MDGA2: variants seen among roughly 807,000 people sequenced by gnomAD.
MDGA2 encodes MAM domain-containing glycosylphosphatidylinositol anchor protein 2.
Under a neutral mutation model 117.8 loss-of-function variants are expected in MDGA2, and 40 were observed. That is an observed-to-expected ratio of 0.34 (90% CI 0.26 to 0.44). The LOEUF (loss-of-function observed/expected upper bound fraction) is 0.44. Among genes scored for constraint, MDGA2 ranks in the 20% least tolerant of loss-of-function variants. MDGA2 has a pLI of 1.00. For synonymous variants in MDGA2, 452 were observed against 439.0 expected (o/e 1.03, Z -0.37); for missense variants, 1,123 against 1,250.6 (o/e 0.90, Z 1.54).
At chr14:47,442,565 A>G (rs1349836841) in intron 1 of MDGA2, among the ~76,000 whole-genome samples, 1 of 152,070 alleles carries the variant, frequency 6.6e-6, no homozygotes, top group East Asian at 1.9e-4. Context: ...CCTCACAATG[A>G]TTCTACCTTA....
chr14:47,099,918 C>T (rs980523621), intron 5 of MDGA2, among the ~76,000 whole-genome samples: 2 of 151,950 alleles, frequency 1.3e-5, no homozygotes, highest in Non-Finnish European at 2.9e-5. Flanking sequence ...ACAGCCTAGT[C>T]CAGTGCTTGG....
At chr14:47,378,481 T>C (rs1328905858) in intron 1 of MDGA2, among the ~76,000 whole-genome samples, 3 of 152,082 alleles carry the variant, frequency 2.0e-5, no homozygotes, top group Non-Finnish European at 2.9e-5. Flanking sequence ...AAAGATTAGA[T>C]GAATGGCTAA....
chr14:47,182,679 T>G (rs1251261349), intron 3 of MDGA2, among the ~76,000 whole-genome samples: 1 of 152,210 alleles, frequency 6.6e-6, no homozygotes, highest in East Asian at 1.9e-4. Context: ...TAACCAAAGA[T>G]GCATACTTTA....
intron 1 of MDGA2, among the ~76,000 whole-genome samples, chr14:47,643,420 C>G (rs531163673): frequency 4.3e-4 from 65 of 152,164 alleles, no homozygotes; most frequent in African/African-American, 1.3e-3. Context: ...GATTTCTCTA[C>G]ACCATCAGAT....
In MDGA2 at chr14:46,840,459, T is replaced by G. The variant is rs1280551369; in HGVS notation, c.*1472A>C. On this transcript the variant is annotated 3_prime_UTR_variant, in exon 17 of 17. Transcript: ENST00000399232. ...ATTTACAATGCATTGGAAAACTGGC[T>G]GGTTAAAGATATGATTTGTCGTCAG... is the stretch of plus-strand genomic sequence containing the variant. The G allele has an allele frequency of 6.6e-6, 1 of 152,556 alleles. No individual in the cohort carries two copies. Among genetic ancestry groups the G allele is most frequent in the African/African-American group, 2.4e-5 (1 of 41,440 alleles). The allele number at this position is 152,556 out of a possible 1,614,324, so 9.5% of individuals were successfully genotyped here. A position where few individuals can be genotyped will look rare whatever the true frequency, so the allele number is the denominator to read the frequency against.
chr14:47,604,986 T>C (rs922792827), intron 1 of MDGA2, among the ~76,000 whole-genome samples: 3 of 151,136 alleles, frequency 2.0e-5, no homozygotes, highest in Admixed American at 1.3e-4. Context: ...ATGGTTTTTT[T>C]TTAAACCACT....
intron 1 of MDGA2, among the ~76,000 whole-genome samples, chr14:47,655,017 A>G (rs1002339586): frequency 5.9e-5 from 9 of 152,116 alleles, no homozygotes; most frequent in African/African-American, 2.2e-4. Flanking sequence ...GGCATTCTAG[A>G]CAAAATGTAA....
intron 1 of MDGA2, among the ~76,000 whole-genome samples, chr14:47,328,491 C>A (rs926389289): frequency 6.6e-6 from 1 of 152,064 alleles, no homozygotes; most frequent in African/African-American, 2.4e-5. Flanking sequence ...GTAATACAAA[C>A]CTATTTTTAC....
intron 2 of MDGA2, among the ~76,000 whole-genome samples, chr14:47,218,672 C>T (rs1886189049): frequency 2.0e-5 from 3 of 151,800 alleles, no homozygotes; most frequent in Non-Finnish European, 2.9e-5. Context: ...GACATAATAC[C>T]ATAATGGCTT....
chr14:46,972,161 G>C (rs1351646832), intron 8 of MDGA2, among the ~76,000 whole-genome samples: 2 of 152,058 alleles, frequency 1.3e-5, no homozygotes, highest in Non-Finnish European at 2.9e-5. Context: ...GTGGGGCTGA[G>C]TCCTTTAACT....
chr14:47,673,988 G>A (rs923760037), intron 1 of MDGA2, among the ~76,000 whole-genome samples: 8 of 151,768 alleles, frequency 5.3e-5, no homozygotes, highest in Non-Finnish European at 1.0e-4. Flanking sequence ...CAGTGCTCAT[G>A]GCAACCGCTG....
rs1218579773 is a variant in MDGA2, at chr14:46,884,163, C to T, written c.2239-1942G>A. Among the ~76,000 whole-genome samples, 7 of 152,092 alleles carry T rather than the reference C, an allele frequency of 4.6e-5. No individual in the cohort carries two copies. Among genetic ancestry groups the T allele is most frequent in the Non-Finnish European group, 1.0e-4 (7 of 68,000 alleles). On this transcript the variant is annotated intron_variant, in intron 10 of 16. Transcript: ENST00000399232. The surrounding 1 kb of genome is among the most constrained non-coding windows in gnomAD (Gnocchi z 4.1). ...GCCTACTTTTACTTTGATTGTGAAACTCTTTGGTGTCACAAATTAGAGTGG... is the reference window on the plus strand; with the variant it reads ...GCCTACTTTTACTTTGATTGTGAAATTCTTTGGTGTCACAAATTAGAGTGG...
intron 1 of MDGA2, among the ~76,000 whole-genome samples, chr14:47,532,696 A>G (rs1895124697): frequency 1.3e-5 from 2 of 152,096 alleles, no homozygotes; most frequent in South Asian, 4.2e-4. Flanking sequence ...ACCACTGAAT[A>G]TTTTTTTCTT....
At chr14:47,280,029 G>A (rs1342824117) in intron 2 of MDGA2, among the ~76,000 whole-genome samples, 1 of 151,154 alleles carries the variant, frequency 6.6e-6, no homozygotes, top group African/African-American at 2.4e-5. Context: ...ATATTGTCAG[G>A]CCAGGCACAT....
At chr14:47,279,014 A>G (rs914453140) in intron 2 of MDGA2, among the ~76,000 whole-genome samples, 5 of 152,184 alleles carry the variant, frequency 3.3e-5, no homozygotes, top group African/African-American at 9.6e-5. Flanking sequence ...CTAATTCCCT[A>G]AAGTTTGACA....
intron 7 of MDGA2, among the ~76,000 whole-genome samples, chr14:47,047,055 G>A (rs1243931050): frequency 3.3e-5 from 5 of 152,046 alleles, no homozygotes; most frequent in Admixed American, 1.3e-4. Context: ...AGGACTAGGG[G>A]CAAGACTGAT....
intron 10 of MDGA2, among the ~76,000 whole-genome samples, chr14:46,915,933 C>G (rs1380686106): frequency 6.6e-6 from 1 of 152,054 alleles, no homozygotes; most frequent in East Asian, 1.9e-4. Flanking sequence ...CTCTGGGTAT[C>G]TCTGGGCATC....
At chr14:47,103,468 G>C (rs1880455536) in intron 5 of MDGA2, among the ~76,000 whole-genome samples, 1 of 152,150 alleles carries the variant, frequency 6.6e-6, no homozygotes, top group South Asian at 2.1e-4. Flanking sequence ...TTCACATATT[G>C]ATTGACTCTC....
At chr14:47,014,987 C>T (rs576217499) in intron 8 of MDGA2, among the ~76,000 whole-genome samples, 1 of 152,080 alleles carries the variant, frequency 6.6e-6, no homozygotes, top group African/African-American at 2.4e-5. Context: ...ATGTAAGACT[C>T]TTCCTTTCAC....
Sources: gnomAD v4.1 joint callset for allele counts (sites outside exome capture counted in the v4.1 genomes callset) on GRCh38, gnomAD v4.1.1 for gene constraint, Gnocchi (gnomAD v3.1) non-coding constraint, MANE v1.5 for transcripts, NCBI Gene and HGNC (gene_info 2026-07-23, HGNC 2026-07-21) for gene names.